Variants in CDS1 observed in about 807,000 individuals in gnomAD.
CDS1 encodes the protein CDP-diacylglycerol synthase 1.
In CDS1, 41 loss-of-function variants were observed where a neutral mutation model predicts 62.1. The ratio of observed to expected loss-of-function variants is 0.66; its 90% CI spans 0.51 to 0.86. CDS1 has a LOEUF of 0.86. Among genes scored for constraint, CDS1 ranks in the 40% least tolerant of loss-of-function variants. The probability of loss-of-function intolerance (pLI) is 0.00; values close to 1 mark genes in which losing one functional copy is unlikely to be tolerated. For synonymous variants in CDS1, 185 were observed against 192.6 expected (o/e 0.96, Z 0.32); for missense variants, 470 against 550.1 (o/e 0.85, Z 1.46).
In CDS1 at chr4:84,609,421, C is replaced by G. The variant is rs1172855122; in HGVS notation, c.246-8C>G. The stretch of plus-strand genomic sequence containing the variant: ...ACGTTAAATACTAACTTTACATTTT[C>G]TTTGTAGGTGGAAAAACTGGTGGAT... On this transcript the variant is annotated splice_region_variant and splice_polypyrimidine_tract_variant and intron_variant, in intron 2 of 12. Transcript: ENST00000295887. 2 of 1,564,588 alleles carry G rather than the reference C, an allele frequency of 1.3e-6. No homozygotes were observed. The highest frequency in any genetic ancestry group is 1.8e-6 in the Non-Finnish European group (2 of 1,136,768).
chr4:84,608,874 T>G (rs1290408873), intron 2 of CDS1, among the ~76,000 whole-genome samples: 1 of 151,950 alleles, frequency 6.6e-6, no homozygotes, highest in Non-Finnish European at 1.5e-5. Context: ...CCACTCACAT[T>G]TAACAAAAAT....
chr4:84,644,355 G>A (rs1398069765), intron 11 of CDS1, among the ~76,000 whole-genome samples: 3 of 152,112 alleles, frequency 2.0e-5, no homozygotes, highest in Non-Finnish European at 2.9e-5. Flanking sequence ...GCTCTTTTAT[G>A]CTTTGACTAG....
chr4:84,614,360 T>C (rs193113043), intron 3 of CDS1, among the ~76,000 whole-genome samples: 109 of 152,346 alleles, frequency 7.2e-4, no homozygotes, highest in African/African-American at 2.6e-3. Context: ...CATGGAGTTA[T>C]TCACTTACAG....
intron 2 of CDS1, among the ~76,000 whole-genome samples, chr4:84,606,831 C>T (rs544282743): frequency 6.6e-6 from 1 of 152,148 alleles, no homozygotes; most frequent in African/African-American, 2.4e-5. Context: ...CAGGCATGAG[C>T]CAACATGCCT....
intron 10 of CDS1, 69 bp downstream of exon 10, chr4:84,641,059 T>C: frequency 1.1e-6 from 1 of 888,432 alleles, no homozygotes. Flanking sequence ...TCCTTTATTA[T>C]TTATTTATTT....
At chr4:84,603,283 T>A (rs1407791467) in intron 1 of CDS1, among the ~76,000 whole-genome samples, 1 of 152,194 alleles carries the variant, frequency 6.6e-6, no homozygotes, top group Non-Finnish European at 1.5e-5. Flanking sequence ...AATGCTCTAT[T>A]TGTATTTGCC....
intron 12 of CDS1, among the ~76,000 whole-genome samples, chr4:84,648,142 A>T (rs1724608915): frequency 6.6e-6 from 1 of 152,108 alleles, no homozygotes. Flanking sequence ...AGTTTCTTGG[A>T]AGTTAAAAAT....
intron 1 of CDS1, among the ~76,000 whole-genome samples, chr4:84,602,111 C>T (rs1722955935): frequency 6.6e-6 from 1 of 152,162 alleles, no homozygotes; most frequent in Non-Finnish European, 1.5e-5. Context: ...AGAGTCTATA[C>T]ATTAAATACA....
At chr4:84,604,856 A>T (rs1052014133) in intron 2 of CDS1, among the ~76,000 whole-genome samples, 1 of 152,068 alleles carries the variant, frequency 6.6e-6, no homozygotes, top group Non-Finnish European at 1.5e-5. Context: ...GGGCTCAAGC[A>T]GTCTGCCCAC....
Position 84,610,311 on chromosome 4 carries a change from G to A in CDS1, c.342+786G>A, listed in dbSNP as rs149794243. Among the ~76,000 whole-genome samples, 61 of 152,186 alleles carry A rather than the reference G, an allele frequency of 4.0e-4. No homozygotes were observed. In the East Asian group the frequency reaches 0.01, roughly 26 times the overall value. On this transcript the variant is annotated intron_variant, in intron 3 of 12. Transcript: ENST00000295887. ...ATTCCAAAGTGGAGACATCATGAGC[G>A]GGGCATGGAGGTAGTGAGAGGATGC...
chr4:84,640,748 G>A, intron 9 of CDS1, 90 bp from the exon 10 acceptor site: 5 of 1,043,896 alleles, frequency 4.8e-6, no homozygotes, highest in Non-Finnish European at 6.4e-6. Context: ...TGGCCTTTCT[G>A]ATGTATAACT....
chr4:84,634,037 C>T (rs1560480715), intron 7 of CDS1, 98 bp downstream of exon 7: 1 of 627,492 alleles, frequency 1.6e-6, no homozygotes, highest in South Asian at 3.0e-5. Flanking sequence ...CTAAAATGTA[C>T]TGTTTGTTGT....
At chr4:84,616,245 T>C (rs974424293) in intron 3 of CDS1, among the ~76,000 whole-genome samples, 1 of 152,244 alleles carries the variant, frequency 6.6e-6, no homozygotes, top group Non-Finnish European at 1.5e-5. Context: ...GATTTCCTCC[T>C]GTCTTTATAA....
At chr4:84,624,307 A>G (rs1005559026) in intron 5 of CDS1, among the ~76,000 whole-genome samples, 1 of 148,390 alleles carries the variant, frequency 6.7e-6, no homozygotes, top group African/African-American at 2.5e-5. Context: ...AAAAAAAACT[A>G]GTTTTTTTTT....
At chr4:84,640,340 C>T (rs1560483370) in intron 9 of CDS1, among the ~76,000 whole-genome samples, 1 of 151,680 alleles carries the variant, frequency 6.6e-6, no homozygotes, top group East Asian at 1.9e-4. Flanking sequence ...AACAGGATAT[C>T]TTATTTTATG....
At chr4:84,639,376 G>T (rs1724312373) in intron 9 of CDS1, among the ~76,000 whole-genome samples, 1 of 152,218 alleles carries the variant, frequency 6.6e-6, no homozygotes, top group African/African-American at 2.4e-5. Flanking sequence ...AATAGCAGAG[G>T]ATGCAAATAC....
intron 9 of CDS1, 130 bp downstream of exon 9, chr4:84,639,122 A>G (rs1208237903): frequency 2.8e-6 from 1 of 353,304 alleles, no homozygotes; most frequent in African/African-American, 2.1e-5. Flanking sequence ...CCTACTGAAA[A>G]GAACCAGTTC....
intron 12 of CDS1, among the ~76,000 whole-genome samples, chr4:84,647,831 A>G (rs1420605513): frequency 2.6e-5 from 4 of 152,180 alleles, no homozygotes; most frequent in African/African-American, 9.7e-5. Flanking sequence ...CTATAATTCA[A>G]TGTGAACAAT....
intron 5 of CDS1, among the ~76,000 whole-genome samples, chr4:84,630,570 T>G (rs1723988654): frequency 6.6e-6 from 1 of 152,218 alleles, no homozygotes; most frequent in Admixed American, 6.5e-5. Context: ...ATAACTTGGA[T>G]GTACAAAGTC....
Sources: allele counts gnomAD v4.1 joint callset (sites outside exome capture counted in the v4.1 genomes callset), GRCh38; gene constraint gnomAD v4.1.1; transcripts MANE v1.5; gene names NCBI Gene and HGNC (gene_info 2026-07-23, HGNC 2026-07-21).